Variants in RALGAPA1 observed in about 807,000 individuals in gnomAD.
RALGAPA1 encodes Ral GTPase activating protein catalytic subunit alpha 1.
A neutral mutation model predicts 269.6 loss-of-function variants in RALGAPA1; 52 were observed. The observed-to-expected ratio is 0.19, with a 90% CI of 0.15 to 0.24. The LOEUF (loss-of-function observed/expected upper bound fraction) is 0.24. Ranked by LOEUF, RALGAPA1 falls within the 10% of genes least tolerant of loss-of-function variation. RALGAPA1 has a pLI of 1.00. For missense variants in RALGAPA1, 1,917 were observed against 3,013.9 expected (o/e 0.64, Z 8.52); for synonymous variants, 817 against 1,008.3 (o/e 0.81, Z 3.60).
Position 35,688,637 on chromosome 14 carries a change from T to C in RALGAPA1, c.3774A>G (p.Ser1258=). 1 of 1,533,142 alleles carries C rather than the reference T, an allele frequency of 6.5e-7. No homozygotes were observed. Among genetic ancestry groups the C allele is most frequent in the Admixed American group, 2.0e-5 (1 of 50,762 alleles). 95.0% of individuals were successfully genotyped at this position (1,533,142 alleles called of 1,614,324 possible). A position where few individuals can be genotyped will look rare whatever the true frequency, so the allele number is the denominator to read the frequency against. The change falls in exon 18 of 42, where the codon TCA becomes TCG. Residue 1258 remains serine, a synonymous_variant. Coordinates refer to ENST00000680220, the MANE Select transcript of RALGAPA1 (RefSeq NM_001346249.2). ...CCTGCTGTAGTCCTGCCTCATGACT[T>C]GATGACCTAAGAGTACTACGACTAC... The part of the protein sequence containing the change: ...QLGSRSTLRS[S]SHEAGLQQGS...
intron 18 of RALGAPA1, 138 bp downstream of exon 18, chr14:35,688,321 A>G: frequency 1.2e-6 from 1 of 862,042 alleles, no homozygotes; most frequent in Non-Finnish European, 1.7e-6. Flanking sequence ...AGCTGGGAAA[A>G]GGCGCATGCA....
chr14:35,717,506 C>T (rs2068939534), intron 16 of RALGAPA1, among the ~76,000 whole-genome samples: 1 of 152,080 alleles, frequency 6.6e-6, no homozygotes, highest in Non-Finnish European at 1.5e-5. Flanking sequence ...ATCTTCAGGA[C>T]ATAGGTTAAA....
intron 39 of RALGAPA1, among the ~76,000 whole-genome samples, chr14:35,567,137 A>G (rs2056779987): frequency 6.6e-6 from 1 of 151,984 alleles, no homozygotes; most frequent in Non-Finnish European, 1.5e-5. Flanking sequence ...TTGCTGGTAG[A>G]AAACTTCAGA....
chr14:35,680,706 C>A (rs2065355907), intron 21 of RALGAPA1, among the ~76,000 whole-genome samples: 1 of 151,766 alleles, frequency 6.6e-6, no homozygotes, highest in African/African-American at 2.4e-5. Flanking sequence ...GCTCTGCCTC[C>A]CGGGTTCACA....
intron 35 of RALGAPA1, among the ~76,000 whole-genome samples, chr14:35,620,828 G>A (rs189156802): frequency 6.6e-6 from 1 of 152,234 alleles, no homozygotes; most frequent in East Asian, 1.9e-4. Context: ...TCTCGTCAAG[G>A]AGAACTACAA....
At chr14:35,673,772 G>C (rs571665902) in intron 24 of RALGAPA1, among the ~76,000 whole-genome samples, 166 of 152,056 alleles carry the variant, frequency 1.1e-3, no homozygotes, top group Non-Finnish European at 1.8e-3. Flanking sequence ...AGTAGAGACA[G>C]GGTTTCACCA....
intron 1 of RALGAPA1, among the ~76,000 whole-genome samples, chr14:35,788,434 G>C (rs1485852368): frequency 6.6e-6 from 1 of 152,070 alleles, no homozygotes; most frequent in Non-Finnish European, 1.5e-5. Context: ...CATATTTGAG[G>C]TGTTATTATT....
chr14:35,572,844 T>C (rs2296920), intron 37 of RALGAPA1, 126 bp from the exon 38 acceptor site: 50,751 of 580,540 alleles, frequency 0.087, 4,290 homozygotes, highest in East Asian at 0.36. Context: ...TGATCAGTTT[T>C]ACATATGAAA....
At chr14:35,556,184 A>T (rs1432861080) in intron 39 of RALGAPA1, among the ~76,000 whole-genome samples, 1 of 152,348 alleles carries the variant, frequency 6.6e-6, no homozygotes, top group South Asian at 2.1e-4. Context: ...ATTGAGACAT[A>T]GCATATGGGT....
intron 16 of RALGAPA1, among the ~76,000 whole-genome samples, chr14:35,718,268 T>C (rs1305696410): frequency 1.3e-4 from 20 of 152,340 alleles, no homozygotes; most frequent in Admixed American, 1.2e-3. Context: ...CCTTAATGCA[T>C]AGAACAGCAA....
intron 35 of RALGAPA1, 133 bp from the exon 36 acceptor site, chr14:35,605,842 G>A: frequency 9.7e-7 from 1 of 1,031,372 alleles, no homozygotes. Context: ...GTCTACAGAA[G>A]GAGATATAAA....
chr14:35,595,587 G>C, intron 37 of RALGAPA1, 47 bp downstream of exon 37: 1 of 1,509,260 alleles, frequency 6.6e-7, no homozygotes, highest in South Asian at 1.1e-5. Flanking sequence ...TGTATTAACT[G>C]TCTCAATTAT....
At chr14:35,628,290 C>A (rs2061115997) in intron 33 of RALGAPA1, among the ~76,000 whole-genome samples, 1 of 152,262 alleles carries the variant, frequency 6.6e-6, no homozygotes, top group Middle Eastern at 3.4e-3. Flanking sequence ...TGTAACACAT[C>A]TGAAATCTCA....
intron 13 of RALGAPA1, among the ~76,000 whole-genome samples, chr14:35,727,310 C>CATATATATATATAT (rs34288628): frequency 3.8e-5 from 4 of 104,486 alleles, no homozygotes; most frequent in African/African-American, 7.9e-5. Flanking sequence ...AAAATTATGG[C>CATATATATATATAT]ATATATATAT....
chr14:35,737,468 TGTTCACAGTTGGGC>T (rs140940138), intron 12 of RALGAPA1, among the ~76,000 whole-genome samples: 18,437 of 151,928 alleles, frequency 0.12, 1,185 homozygotes, highest in South Asian at 0.14. Context: ...TGTATAAGAA[TGTTCACAGTTGGGC>T]GTGGTGGCTC....
chr14:35,630,266 T>C (rs2061274071), intron 33 of RALGAPA1, among the ~76,000 whole-genome samples: 1 of 152,236 alleles, frequency 6.6e-6, no homozygotes, highest in South Asian at 2.1e-4. Flanking sequence ...TAAATGTAAA[T>C]ATAAACATTT....
At chr14:35,549,751 C>T (rs1313978233) in intron 39 of RALGAPA1, among the ~76,000 whole-genome samples, 1 of 152,166 alleles carries the variant, frequency 6.6e-6, no homozygotes, top group East Asian at 1.9e-4. Flanking sequence ...AAAATCCCTG[C>T]ATTTTCTCAA....
chr14:35,610,455 T>G (rs2059860822), intron 35 of RALGAPA1, among the ~76,000 whole-genome samples: 1 of 152,060 alleles, frequency 6.6e-6, no homozygotes, highest in African/African-American at 2.4e-5. Context: ...GCTAATTTTT[T>G]GTATTTTTAG....
chr14:35,586,161 C>G (rs1166460504), intron 37 of RALGAPA1, among the ~76,000 whole-genome samples: 3 of 152,116 alleles, frequency 2.0e-5, no homozygotes, highest in Admixed American at 1.3e-4. Flanking sequence ...TTCAAGAGGT[C>G]CTTCACATCC....
Sources: gnomAD v4.1 joint callset for allele counts (sites outside exome capture counted in the v4.1 genomes callset) on GRCh38, gnomAD v4.1.1 for gene constraint, MANE v1.5 for transcripts, NCBI Gene and HGNC (gene_info 2026-07-23, HGNC 2026-07-21) for gene names.